Variants in SOX6 observed in about 807,000 individuals in gnomAD.
The protein encoded by SOX6 is transcription factor SOX-6.
Under a neutral mutation model 97.8 loss-of-function variants are expected in SOX6, and 11 were observed. The ratio of observed to expected loss-of-function variants is 0.11; its 90% CI spans 0.07 to 0.19. The LOEUF is 0.19. SOX6 is among the 10% of genes least tolerant of loss of function. The pLI is 1.00. For missense variants in SOX6, 810 were observed against 1,039.5 expected (o/e 0.78, Z 3.04); for synonymous variants, 360 against 371.4 (o/e 0.97, Z 0.35).
At chr11:16,303,595 G>T (rs1205320987) in intron 3 of SOX6, among the ~76,000 whole-genome samples, 1 of 152,042 alleles carries the variant, frequency 6.6e-6, no homozygotes, top group African/African-American at 2.4e-5. Context: ...GATTTTCTTA[G>T]CTATTCTAGA....
intron 6 of SOX6, among the ~76,000 whole-genome samples, chr11:16,172,346 T>C (rs1851062297): frequency 6.6e-6 from 1 of 152,138 alleles, no homozygotes; most frequent in African/African-American, 2.4e-5. Context: ...TTCCATTATA[T>C]AGCCGTAATG....
intron 12 of SOX6, among the ~76,000 whole-genome samples, chr11:16,029,388 A>G (rs932205366): frequency 7.9e-5 from 12 of 152,194 alleles, no homozygotes; most frequent in Non-Finnish European, 1.2e-4. Context: ...CTGTAATTCC[A>G]GCACTTTGGG....
At chr11:16,432,775 T>A (rs1859296097) in intron 1 of SOX6, among the ~76,000 whole-genome samples, 1 of 152,042 alleles carries the variant, frequency 6.6e-6, no homozygotes, top group Admixed American at 6.6e-5. Flanking sequence ...TTAATCCAGT[T>A]AGTGTGCTCA....
At chr11:16,527,883 G>T (rs1590234247) in intron 4 of SOX6, among the ~76,000 whole-genome samples, 1 of 152,098 alleles carries the variant, frequency 6.6e-6, no homozygotes, top group Non-Finnish European at 1.5e-5. Context: ...CATTGTGACG[G>T]CAGCAAAGCT....
chr11:16,650,285 T>C (rs892905581), intron 3 of SOX6, among the ~76,000 whole-genome samples: 1 of 152,104 alleles, frequency 6.6e-6, no homozygotes, highest in Non-Finnish European at 1.5e-5. Context: ...ATGGACTTCA[T>C]AGATATTTAC....
chr11:16,008,841 C>A (rs192859767), intron 13 of SOX6, among the ~76,000 whole-genome samples: 4 of 152,166 alleles, frequency 2.6e-5, no homozygotes, highest in African/African-American at 2.4e-5. Flanking sequence ...ACTCATACAA[C>A]AGAGTTAGTC....
At chr11:15,983,601 A>G (rs906378192) in intron 15 of SOX6, among the ~76,000 whole-genome samples, 4 of 152,094 alleles carry the variant, frequency 2.6e-5, no homozygotes, top group African/African-American at 9.7e-5. Flanking sequence ...CCAAAGAAAA[A>G]CTTCAGGAAA....
chr11:16,028,823 T>C (rs190655314), intron 12 of SOX6, among the ~76,000 whole-genome samples: 28 of 152,242 alleles, frequency 1.8e-4, no homozygotes, highest in Middle Eastern at 6.8e-3. Flanking sequence ...TGAAAATAAA[T>C]AAGTAAATAG....
At chr11:16,730,942 A>T (rs1848344898) in intron 2 of SOX6, among the ~76,000 whole-genome samples, 1 of 152,162 alleles carries the variant, frequency 6.6e-6, no homozygotes, top group South Asian at 2.1e-4. Context: ...CAGAAATACA[A>T]ACTACCACCA....
intron 4 of SOX6, among the ~76,000 whole-genome samples, chr11:16,513,632 C>CAATA (rs1331546416): frequency 6.6e-6 from 1 of 152,040 alleles, no homozygotes; most frequent in African/African-American, 2.4e-5. Context: ...GACTCCATCT[C>CAATA]AATAAATAAA....
At chr11:16,234,032 G>C (rs1193332665) in intron 4 of SOX6, among the ~76,000 whole-genome samples, 2 of 147,832 alleles carry the variant, frequency 1.4e-5, no homozygotes, top group Non-Finnish European at 3.0e-5. Flanking sequence ...GAAAAGAAAA[G>C]AAAGAAAAAG....
At chr11:16,521,636 T>G (rs11023975) in intron 4 of SOX6, among the ~76,000 whole-genome samples, 59,973 of 152,108 alleles carry the variant, frequency 0.39, 12,527 homozygotes, top group African/African-American at 0.52. Flanking sequence ...GATGGAGAAT[T>G]ACTTTGACGA....
At chr11:16,060,158 C>T (rs942325325) in intron 9 of SOX6, among the ~76,000 whole-genome samples, 1 of 150,574 alleles carries the variant, frequency 6.6e-6, no homozygotes, top group Admixed American at 6.6e-5. Context: ...TTTGGAAATA[C>T]ATCTATTTTT....
intron 1 of SOX6, among the ~76,000 whole-genome samples, chr11:16,353,732 C>T (rs2134363571): frequency 6.6e-6 from 1 of 152,130 alleles, no homozygotes; most frequent in South Asian, 2.1e-4. Flanking sequence ...GTATGACTAC[C>T]TGCTGTCTTG....
chr11:16,560,415 A>G (rs915801296), intron 4 of SOX6, among the ~76,000 whole-genome samples: 1 of 125,686 alleles, frequency 8.0e-6, no homozygotes, highest in Non-Finnish European at 1.9e-5. Flanking sequence ...ATATACATAT[A>G]TACGTACATA....
At chr11:16,712,416 T>C (rs1848188919) in intron 3 of SOX6, among the ~76,000 whole-genome samples, 1 of 152,198 alleles carries the variant, frequency 6.6e-6, no homozygotes, top group Admixed American at 6.5e-5. Context: ...CATCTATTTT[T>C]TTTTTATTTT....
intron 3 of SOX6, among the ~76,000 whole-genome samples, chr11:16,617,747 T>C (rs1044156859): frequency 2.6e-5 from 4 of 151,828 alleles, no homozygotes; most frequent in Non-Finnish European, 4.4e-5. Context: ...TCCAATGGCA[T>C]GAAAAAGATA....
intron 4 of SOX6, among the ~76,000 whole-genome samples, chr11:16,522,356 C>T (rs768982312): frequency 6.6e-6 from 1 of 152,036 alleles, no homozygotes; most frequent in Non-Finnish European, 1.5e-5. Context: ...ATTTTCAACC[C>T]AGAATTTCAT....
At chr11:16,119,980 C>T (rs1242320107) in intron 6 of SOX6, among the ~76,000 whole-genome samples, 2 of 152,126 alleles carry the variant, frequency 1.3e-5, no homozygotes, top group Admixed American at 1.3e-4. Context: ...CCATTCTTCC[C>T]AGGTGTATTC....
Sources: gnomAD v4.1 joint callset for allele counts (sites outside exome capture counted in the v4.1 genomes callset) on GRCh38, gnomAD v4.1.1 for gene constraint, MANE v1.5 for transcripts, NCBI Gene and HGNC (gene_info 2026-07-23, HGNC 2026-07-21) for gene names.